MNAT1: variants seen among roughly 807,000 people sequenced by gnomAD.
The protein encoded by MNAT1 is CDK-activating kinase assembly factor MAT1.
Under a neutral mutation model 42.0 loss-of-function variants are expected in MNAT1, and 43 were observed. The observed-to-expected ratio is 1.02, with a 90% CI of 0.80 to 1.32. The LOEUF (loss-of-function observed/expected upper bound fraction) is 1.32. Ranked by LOEUF, MNAT1 falls within the 40% of genes most tolerant of loss-of-function variation. MNAT1 has a pLI of 0.00. For synonymous variants in MNAT1, 118 were observed against 120.0 expected (o/e 0.98, Z 0.11); for missense variants, 306 against 350.4 (o/e 0.87, Z 1.01).
chr14:60,938,328 G>T lies in MNAT1; in HGVS notation c.810-29901G>T, dbSNP rs1039751299. Among the ~76,000 whole-genome samples the T allele has an allele frequency of 2.6e-5, 4 of 152,112 alleles. No individual in the cohort carries two copies. The East Asian group carries it at 5.8e-4, about 22-fold the overall frequency. On this transcript the variant is annotated intron_variant, in intron 7 of 7. Coordinates refer to ENST00000261245, the MANE Select transcript of MNAT1 (RefSeq NM_002431.4). ...CCAGTTTTCAAAGGGAATGCTTCCA[G>T]TTTTTGTCCATTCAGTATGATATTG...
At chr14:60,857,291 C>T (rs2139427443) in intron 6 of MNAT1, among the ~76,000 whole-genome samples, 1 of 152,270 alleles carries the variant, frequency 6.6e-6, no homozygotes, top group East Asian at 1.9e-4. Context: ...TTCCAACCCC[C>T]ATGGAAGGAC....
chr14:60,735,098 T>C (rs1328760181), intron 1 of MNAT1, 147 bp downstream of exon 1: 18 of 785,986 alleles, frequency 2.3e-5, no homozygotes, highest in Non-Finnish European at 3.8e-5. Flanking sequence ...GCGTTGTGAC[T>C]TTAAATAGAC....
chr14:60,869,082 A>G (rs1399082242), intron 6 of MNAT1, among the ~76,000 whole-genome samples: 1 of 136,556 alleles, frequency 7.3e-6, no homozygotes, highest in Non-Finnish European at 1.6e-5. Flanking sequence ...CTCTGTTGCC[A>G]GGCTGGAGTG....
At chr14:60,884,587 A>G (rs888393428) in intron 7 of MNAT1, among the ~76,000 whole-genome samples, 2 of 152,096 alleles carry the variant, frequency 1.3e-5, no homozygotes, top group Non-Finnish European at 2.9e-5. Flanking sequence ...AAACTAGTAA[A>G]AACTCTACAC....
intron 6 of MNAT1, 40 bp from the exon 7 acceptor site, chr14:60,879,671 AAAT>A (rs1180154544): frequency 1.3e-6 from 2 of 1,545,268 alleles, no homozygotes; most frequent in East Asian, 2.3e-5. Context: ...AGCAATATGA[AAAT>A]AATAATAAGA....
chr14:60,852,942 ACTGTAGC>A (rs1373603217), intron 6 of MNAT1, among the ~76,000 whole-genome samples: 3 of 152,146 alleles, frequency 2.0e-5, no homozygotes, highest in Non-Finnish European at 4.4e-5. Context: ...TGTTTTGGTT[ACTGTAGC>A]CTTGTAGTAT....
chr14:60,918,022 C>T (rs982219231), intron 7 of MNAT1, among the ~76,000 whole-genome samples: 3 of 151,854 alleles, frequency 2.0e-5, no homozygotes, highest in Admixed American at 6.6e-5. Context: ...TTAAGCTTAT[C>T]ATTATCTCTT....
At chr14:60,917,344 A>G (rs1566556342) in intron 7 of MNAT1, among the ~76,000 whole-genome samples, 1 of 152,200 alleles carries the variant, frequency 6.6e-6, no homozygotes, top group Admixed American at 6.5e-5. Flanking sequence ...GGTCCAATGA[A>G]CCCCTTTATT....
At chr14:60,948,831 T>G (rs1404239836) in intron 7 of MNAT1, among the ~76,000 whole-genome samples, 2 of 152,182 alleles carry the variant, frequency 1.3e-5, no homozygotes, top group Non-Finnish European at 2.9e-5. Flanking sequence ...CATATCTAGG[T>G]ATCAGCCATT....
At chr14:60,869,561 G>A (rs1041111617) in intron 6 of MNAT1, among the ~76,000 whole-genome samples, 4 of 152,038 alleles carry the variant, frequency 2.6e-5, no homozygotes, top group African/African-American at 9.7e-5. Context: ...ATGGATAAAT[G>A]TCATTAAGCA....
chr14:60,776,856 T>C (rs773811066), intron 1 of MNAT1, among the ~76,000 whole-genome samples: 1 of 152,152 alleles, frequency 6.6e-6, no homozygotes, highest in Non-Finnish European at 1.5e-5. Flanking sequence ...TTTTGGTTTT[T>C]GTTTTTTTGA....
intron 7 of MNAT1, among the ~76,000 whole-genome samples, chr14:60,907,210 G>A (rs2035218609): frequency 6.6e-6 from 1 of 152,104 alleles, no homozygotes; most frequent in Admixed American, 6.6e-5. Flanking sequence ...CGAGGCAGGT[G>A]GATCATGAGG....
intron 4 of MNAT1, among the ~76,000 whole-genome samples, chr14:60,810,682 G>T (rs375075672): frequency 6.6e-6 from 1 of 151,992 alleles, no homozygotes; most frequent in African/African-American, 2.4e-5. Flanking sequence ...ATTGATTCCT[G>T]GTTTTATTCC....
At chr14:60,839,000 T>C (rs921876199) in intron 6 of MNAT1, among the ~76,000 whole-genome samples, 1 of 152,066 alleles carries the variant, frequency 6.6e-6, no homozygotes, top group African/African-American at 2.4e-5. Context: ...GGTCCCTCTG[T>C]GTGACCTTGC....
chr14:60,869,040 A>ATATATATATATATAT (rs1465360826), intron 6 of MNAT1, among the ~76,000 whole-genome samples: 42 of 113,028 alleles, frequency 3.7e-4, no homozygotes, highest in Middle Eastern at 5.1e-3. Context: ...ATATATATAT[A>ATATATATATATATAT]TTTTTTTTTT....
At chr14:60,865,694 A>T (rs964204789) in intron 6 of MNAT1, among the ~76,000 whole-genome samples, 2 of 152,172 alleles carry the variant, frequency 1.3e-5, no homozygotes, top group South Asian at 4.1e-4. Flanking sequence ...CAAGGAAAAA[A>T]TAAAACCTAT....
chr14:60,906,568 G>T (rs1334076985), intron 7 of MNAT1, among the ~76,000 whole-genome samples: 1 of 152,112 alleles, frequency 6.6e-6, no homozygotes, highest in African/African-American at 2.4e-5. Flanking sequence ...ATTTTTGATG[G>T]ATTGGTTAAG....
At chr14:60,753,613 A>G (rs1254001473) in intron 1 of MNAT1, 2 of 152,208 alleles carry the variant, frequency 1.3e-5, no homozygotes, top group Non-Finnish European at 2.9e-5. Flanking sequence ...CATCATTCAG[A>G]CACCATCGTT....
chr14:60,769,917 G>A (rs2030988024), intron 1 of MNAT1, among the ~76,000 whole-genome samples: 1 of 152,006 alleles, frequency 6.6e-6, no homozygotes, highest in African/African-American at 2.4e-5. Context: ...CTCCTTCCTT[G>A]GCCTCCCAAA....
Sources: allele counts gnomAD v4.1 joint callset (sites outside exome capture counted in the v4.1 genomes callset), GRCh38; gene constraint gnomAD v4.1.1; transcripts MANE v1.5; gene names NCBI Gene and HGNC (gene_info 2026-07-23, HGNC 2026-07-21).